The following ZNF283 variants were observed in gnomAD, a reference collection of about 807,000 sequenced individuals.
ZNF283 encodes zinc finger protein 283.
Under a neutral mutation model 9.2 loss-of-function variants are expected in ZNF283, and 10 were observed. The ratio of observed to expected loss-of-function variants is 1.09; its 90% CI spans 0.67 to 1.85. The LOEUF (loss-of-function observed/expected upper bound fraction) is 1.85, where lower values mean the gene tolerates loss of function less well. Ranked by LOEUF, ZNF283 falls within the 40% of genes most tolerant of loss-of-function variation. ZNF283 has a pLI of 0.00. For synonymous variants in ZNF283, 234 were observed against 244.1 expected (o/e 0.96, Z 0.38); for missense variants, 631 against 760.1 (o/e 0.83, Z 2.00).
At chr19:43,846,714 T>G (rs1162110095) in intron 6 of ZNF283, among the ~76,000 whole-genome samples, 2 of 152,144 alleles carry the variant, frequency 1.3e-5, no homozygotes, top group Non-Finnish European at 2.9e-5. Flanking sequence ...GAGGGACTTG[T>G]TGAAGCGACC....
Position 43,847,733 on chromosome 19 carries a change from A to G in ZNF283, c.1132A>G (p.Lys378Glu). 1 of 1,613,732 alleles carries G rather than the reference A, an allele frequency of 6.2e-7. No individual in the cohort carries two copies. Among genetic ancestry groups the G allele is most frequent in the Non-Finnish European group, 8.5e-7 (1 of 1,179,824 alleles). The part of the protein sequence containing the change: ...IHTGKKPYEC[K>E]ICGKAFCWGY... Reference sequence around the variant, plus strand: ...TACTGGTAAGAAACCTTATGAATGTAAAATATGTGGAAAGGCTTTTTGTTG... The same window carrying G: ...TACTGGTAAGAAACCTTATGAATGTGAAATATGTGGAAAGGCTTTTTGTTG... Residue 378 changes from lysine to glutamate, a missense_variant, in exon 7 of 7, where the codon AAA (lysine) becomes GAA (glutamate). Around this residue, in one of 3 missense-constraint regions of ZNF283, gnomAD observed 444 missense variants for 522.5 expected, o/e 0.85. Transcript: ENST00000618787.
At position 43,850,048 on chromosome 19, in the gene ZNF283, TC is replaced by T. The variant is rs1971562343; in HGVS notation, c.*1410del. On this transcript the variant is annotated 3_prime_UTR_variant, in exon 7 of 7. Transcript: ENST00000618787. ...TGAGGGGATTTTAATTCAGAGTTTA[TC>T]CCTTAAGCTGAGCTAAAAAAATGAG... 6.6e-6 allele frequency: 1 copy of T among 152,214 alleles called. No homozygotes were observed. The highest frequency in any genetic ancestry group is 1.5e-5 in the Non-Finnish European group (1 of 67,998). The allele number at this position is 152,214 out of a possible 1,614,324, so 9.4% of individuals were successfully genotyped here.
intron 3 of ZNF283, 25 bp from the exon 4 acceptor site, chr19:43,833,480 A>AT: frequency 4.1e-5 from 4 of 98,330 alleles, no homozygotes; most frequent in South Asian, 2.7e-4. Flanking sequence ...TTCTTTACCT[A>AT]TTTCTTTTTT....
rs1057020404 is a variant in ZNF283 at position 43,846,972 on chromosome 19, T to A, written c.371T>A (p.Ile124Lys). Residue 124 changes from isoleucine to lysine, a missense_variant, in exon 7 of 7, where the codon ATA becomes AAA. Transcript: ENST00000618787. ...LESKTYETKK[I>K]FSENDIFEIN... ...TCAAAAACGTATGAGACCAAAAAAA[T>A]ATTTTCAGAAAATGATATTTTTGAA... The A allele has an allele frequency of 2.6e-6, 4 of 1,565,474 alleles. No individual in the cohort carries two copies. The African/African-American group carries it at 4.1e-5, about 16-fold the overall frequency.
At position 43,848,587 on chromosome 19, in the gene ZNF283, C is replaced by T. The variant is rs1971522567; in HGVS notation, c.1986C>T (p.Ala662=). 1 of 1,587,030 alleles carries T rather than the reference C, an allele frequency of 6.3e-7. No homozygotes were observed. The highest frequency in any genetic ancestry group is 2.3e-5 in the East Asian group (1 of 44,416). The change falls in exon 7 of 7, where the codon GCC becomes GCT. Residue 662 remains alanine (A), a synonymous_variant. Coordinates refer to ENST00000618787, the MANE Select transcript of ZNF283 (RefSeq NM_181845.2). The part of the protein sequence containing the change: ...KPYKYNECGE[A]FLWTTYSNEK... ...ACAAATATAACGAATGTGGGGAAGC[C>T]TTTCTGTGGACAACTTACTCAAATG...
intron 2 of ZNF283, among the ~76,000 whole-genome samples, chr19:43,829,901 T>A (rs1471700545): frequency 2.6e-5 from 4 of 151,998 alleles, no homozygotes; most frequent in Admixed American, 1.3e-4. Flanking sequence ...CGGGTGGCTG[T>A]AGTCCCAGCT....
rs750634214 is a variant in ZNF283, at chr19:43,848,901, A to G, written c.*260A>G. On this transcript the variant is annotated 3_prime_UTR_variant, in exon 7 of 7. Transcript: ENST00000618787. Reference sequence around the variant, plus strand: ...GATGTAAAATCATTTAAATGTAAGGAATGTGTGAAGATCTTCATTCATGAC... The same window carrying G: ...GATGTAAAATCATTTAAATGTAAGGGATGTGTGAAGATCTTCATTCATGAC... The G allele has an allele frequency of 7.9e-5, 23 of 290,868 alleles. No homozygotes were observed. Among genetic ancestry groups the G allele is most frequent in the Non-Finnish European group, 1.3e-4 (21 of 156,232 alleles). 18.0% of individuals were successfully genotyped at this position (290,868 alleles called of 1,614,324 possible). A position where few individuals can be genotyped will look rare whatever the true frequency, so the allele number is the denominator to read the frequency against.
chr19:43,836,904 T>G lies in ZNF283; in HGVS notation c.211-149T>G, dbSNP rs1318706072. 3.7e-6 allele frequency: 3 copies of G among 818,712 alleles called. No individual in the cohort carries two copies. The Admixed American group carries it at 9.1e-5, about 25-fold the overall frequency. The allele number at this position is 818,712 out of a possible 1,614,324, so 50.7% of individuals were successfully genotyped here. On this transcript the variant is annotated intron_variant, in intron 5 of 6. Coordinates refer to ENST00000618787, the MANE Select transcript of ZNF283 (RefSeq NM_181845.2). ...CATCCTGCTTTAGTCACAGATTTTCTTGCTTTTTCCTACCTATATCAGAGG... is the reference window on the plus strand; with the variant it reads ...CATCCTGCTTTAGTCACAGATTTTCGTGCTTTTTCCTACCTATATCAGAGG...
At chr19:43,841,753 AG>A (rs1228523673) in intron 6 of ZNF283, among the ~76,000 whole-genome samples, 1 of 152,200 alleles carries the variant, frequency 6.6e-6, no homozygotes, top group East Asian at 1.9e-4. Context: ...TTATTTTTGA[AG>A]GATATTTTTA....
In ZNF283 at chr19:43,837,150, T is replaced by G. The variant is rs763095313; in HGVS notation, c.308T>G (p.Leu103Trp). ...AGGGACTTGTACGTGGATGTAATGT[T>G]GGAGAACTATAGTAACTTGGTGTCA... ...AQRDLYVDVM[L>W]ENYSNLVSLD... Residue 103 changes from leucine (L) to tryptophan (W), a missense_variant, in exon 6 of 7, where the codon TTG (leucine) becomes TGG (tryptophan). Physicochemically the swap from Leu to Trp is moderately conservative, Grantham distance 61. Around this residue, in one of 3 missense-constraint regions of ZNF283, gnomAD observed 184 missense variants for 220.0 expected, o/e 0.84. Transcript: ENST00000618787. 6.2e-7 allele frequency: 1 copy of G among 1,612,804 alleles called. No homozygotes were observed. The highest frequency in any genetic ancestry group is 8.5e-7 in the Non-Finnish European group (1 of 1,179,478).
At position 43,849,587 on chromosome 19, in the gene ZNF283, TTTGTTAAACTTCAG is replaced by T. The variant is rs1174110357; in HGVS notation, c.*948_*961del. 6.6e-6 allele frequency: 1 copy of T among 152,234 alleles called. No homozygotes were observed. Among genetic ancestry groups the T allele is most frequent in the Non-Finnish European group, 1.5e-5 (1 of 68,026 alleles). The allele number at this position is 152,234 out of a possible 1,614,324, so 9.4% of individuals were successfully genotyped here. On this transcript the variant is annotated 3_prime_UTR_variant, in exon 7 of 7. Transcript: ENST00000618787. ...AGAAGCCTTCCAACACTATTCAGTC[TTTGTTAAACTTCAG>T]TAAGTTCATCCTAGAGAGTAACTCT...
At position 43,831,379 on chromosome 19, in the gene ZNF283, C is replaced by A; in HGVS notation, c.-3C>A. ...ATAACAGCTACAGGATGTTCGAGAG[C>A]TGGTAGGTGTAAATTGTTTCAGGCC... On this transcript the variant is annotated splice_region_variant and 5_prime_UTR_variant, in exon 3 of 7. In the 5' UTR this introduces an upstream ATG that the reference lacks. Coordinates refer to ENST00000618787, the MANE Select transcript of ZNF283 (RefSeq NM_181845.2). The A allele has an allele frequency of 6.3e-7, 1 of 1,594,002 alleles. No homozygotes were observed. Among genetic ancestry groups the A allele is most frequent in the Non-Finnish European group, 8.5e-7 (1 of 1,177,690 alleles).
In ZNF283 at chr19:43,835,553, A is replaced by G. The variant is rs144756213; in HGVS notation, c.171A>G (p.Gly57=). 519 of 1,611,062 alleles carry G rather than the reference A, an allele frequency of 3.2e-4. 3 individuals carry two copies. The South Asian group carries it at 5.3e-3, about 16-fold the overall frequency. The change falls in exon 5 of 7, where the codon GGA becomes GGG. Residue 57 remains glycine, a synonymous_variant. Transcript: ENST00000618787. ...CTTCACCAATAGAGGAATCCCATGG[A>G]GCATTAATTAGTTCTTGCAATTCCA... ...FCASPIEESH[G]ALISSCNSRT... is the part of the protein sequence containing the mutation.
chr19:43,837,238 A>C (rs1599719015), intron 6 of ZNF283, 59 bp downstream of exon 6: 2 of 1,489,030 alleles, frequency 1.3e-6, no homozygotes, highest in Non-Finnish European at 1.8e-6. Context: ...AGTTTTCTGC[A>C]CTGGAAATTA....
At chr19:43,844,382 T>C (rs889090331) in intron 6 of ZNF283, among the ~76,000 whole-genome samples, 1 of 152,200 alleles carries the variant, frequency 6.6e-6, no homozygotes, top group African/African-American at 2.4e-5. Context: ...TAATGTTAAA[T>C]TAAAATCTAA....
chr19:43,851,766 G>A lies in ZNF283; in HGVS notation c.*3125G>A, dbSNP rs1027237688. On this transcript the variant is annotated 3_prime_UTR_variant, in exon 7 of 7. Coordinates refer to ENST00000618787, the MANE Select transcript of ZNF283 (RefSeq NM_181845.2). ...TAAGGAGTATTCTAGTGAAGAAAAT[G>A]GTTGAACTTTGTTTAAACTGGTGTA... 1.3e-5 allele frequency: 2 copies of A among 152,202 alleles called. No individual in the cohort carries two copies. Among genetic ancestry groups the A allele is most frequent in the Non-Finnish European group, 2.9e-5 (2 of 68,028 alleles). The allele number at this position is 152,202 out of a possible 1,614,324, so 9.4% of individuals were successfully genotyped here.
chr19:43,834,025 C>CAATA (rs1210741302), intron 4 of ZNF283, among the ~76,000 whole-genome samples: 1 of 152,162 alleles, frequency 6.6e-6, no homozygotes, highest in African/African-American at 2.4e-5. Flanking sequence ...CAGTTATAAG[C>CAATA]AATACCGTTG....
intron 6 of ZNF283, among the ~76,000 whole-genome samples, chr19:43,843,264 C>A (rs533994996): frequency 1.4e-4 from 21 of 152,258 alleles, no homozygotes; most frequent in Admixed American, 3.9e-4. Flanking sequence ...TCGCTTGAAC[C>A]CGAGAGGCGG....
intron 4 of ZNF283, among the ~76,000 whole-genome samples, chr19:43,835,199 A>T (rs562612812): frequency 3.0e-4 from 45 of 152,268 alleles, no homozygotes; most frequent in African/African-American, 1.1e-3. Flanking sequence ...GAGCCCATGA[A>T]GGACGTTCTA....
Sources: gnomAD v4.1 joint callset for allele counts (sites outside exome capture counted in the v4.1 genomes callset) on GRCh38, gnomAD v4.1.1 for gene constraint, gnomAD v4.1.1 regional missense constraint, MANE v1.5 for transcripts, NCBI Gene and HGNC (gene_info 2026-07-23, HGNC 2026-07-21) for gene names.